The following TMEM87B variants were observed in gnomAD, a reference collection of about 807,000 sequenced individuals.
TMEM87B encodes transmembrane protein 87B.
Under a neutral mutation model 80.3 loss-of-function variants are expected in TMEM87B, and 83 were observed. The ratio of observed to expected loss-of-function variants is 1.03; its 90% CI spans 0.87 to 1.24. The LOEUF (loss-of-function observed/expected upper bound fraction) is 1.24, where lower values mean the gene tolerates loss of function less well. Among genes scored for constraint, TMEM87B ranks in the 50% most tolerant of loss-of-function variants. The pLI is 0.00. For missense variants in TMEM87B, 625 were observed against 674.4 expected (o/e 0.93, Z 0.81); for synonymous variants, 219 against 230.5 (o/e 0.95, Z 0.45).
chr2:112,094,161 CTTTTTTTTT>C (rs755031584), intron 11 of TMEM87B, among the ~76,000 whole-genome samples: 3 of 128,760 alleles, frequency 2.3e-5, no homozygotes, highest in African/African-American at 8.5e-5. Context: ...ATTTCTTGTT[CTTTTTTTTT>C]TTTTTTTTTT....
At chr2:112,092,671 G>C (rs897294969) in intron 11 of TMEM87B, among the ~76,000 whole-genome samples, 4 of 152,214 alleles carry the variant, frequency 2.6e-5, no homozygotes, top group African/African-American at 9.6e-5. Flanking sequence ...ATGGGTGGAA[G>C]AGAGCAGGTT....
intron 4 of TMEM87B, among the ~76,000 whole-genome samples, chr2:112,073,811 G>A (rs545671245): frequency 6.6e-6 from 1 of 152,280 alleles, no homozygotes; most frequent in Admixed American, 6.5e-5. Flanking sequence ...AGAGAGTTAA[G>A]TCTTCAGTTG....
At chr2:112,069,090 G>A (rs1052570030) in intron 4 of TMEM87B, among the ~76,000 whole-genome samples, 2 of 151,198 alleles carry the variant, frequency 1.3e-5, no homozygotes, top group African/African-American at 4.9e-5. Context: ...TACTCGGGAG[G>A]CTGAGGCAGG....
chr2:112,057,677 C>T (rs1403517699), intron 1 of TMEM87B, among the ~76,000 whole-genome samples: 1 of 152,186 alleles, frequency 6.6e-6, no homozygotes, highest in East Asian at 1.9e-4. Flanking sequence ...GAATTTTAGC[C>T]ACAGCCCCTT....
chr2:112,055,404 T>C lies in TMEM87B; in HGVS notation c.-188T>C. ...CCGGCTCAGAGCCCTAAGCCCTGCC[T>C]CCCGGTCCTGGCCGGGTTTCCCAGA... On this transcript the variant is annotated 5_prime_UTR_variant, in exon 1 of 19. Transcript: ENST00000283206. 1 of 627,888 alleles carries C rather than the reference T, an allele frequency of 1.6e-6. No homozygotes were observed. Among genetic ancestry groups the C allele is most frequent in the Non-Finnish European group, 2.5e-6 (1 of 393,836 alleles). The allele number at this position is 627,888 out of a possible 1,614,324, so 38.9% of individuals were successfully genotyped here.
At chr2:112,072,137 G>T (rs749547196) in intron 4 of TMEM87B, among the ~76,000 whole-genome samples, 1 of 152,184 alleles carries the variant, frequency 6.6e-6, no homozygotes, top group Non-Finnish European at 1.5e-5. Flanking sequence ...AAGCCTGCTT[G>T]ATCATGGTAG....
chr2:112,101,684 T>C (rs1197272580), intron 15 of TMEM87B, among the ~76,000 whole-genome samples: 1 of 152,144 alleles, frequency 6.6e-6, no homozygotes, highest in Non-Finnish European at 1.5e-5. Context: ...GGCAGACATA[T>C]GTGGTGTAAC....
Position 112,117,252 on chromosome 2 carries a change from C to T in TMEM87B, c.*1109C>T, listed in dbSNP as rs922333851. ...GTGAATGTTTTGCTGCTTTCATGAC[C>T]AAAGATACAGGGCTAGTGGACATTT... On this transcript the variant is annotated 3_prime_UTR_variant, in exon 19 of 19. Transcript: ENST00000283206. 1 of 151,964 alleles carries T rather than the reference C, an allele frequency of 6.6e-6. No individual in the cohort carries two copies. Among genetic ancestry groups the T allele is most frequent in the African/African-American group, 2.4e-5 (1 of 41,358 alleles). 9.4% of individuals were successfully genotyped at this position (151,964 alleles called of 1,614,324 possible). A position where few individuals can be genotyped will look rare whatever the true frequency, so the allele number is the denominator to read the frequency against.
chr2:112,059,928 C>CA (rs199967450), intron 1 of TMEM87B, 49 bp from the exon 2 acceptor site: 100 of 1,571,868 alleles, frequency 6.4e-5, no homozygotes, highest in East Asian at 1.4e-4. Flanking sequence ...AAAACAGTTG[C>CA]AAAAAAAACT....
At chr2:112,092,310 A>G (rs76241635) in intron 11 of TMEM87B, among the ~76,000 whole-genome samples, 2,369 of 152,264 alleles carry the variant, frequency 0.016, 29 homozygotes, top group Non-Finnish European at 0.023. Context: ...GCAGGAAAAC[A>G]GAGGGGGACA....
At chr2:112,098,037 G>T (rs994111847) in intron 13 of TMEM87B, among the ~76,000 whole-genome samples, 1 of 151,722 alleles carries the variant, frequency 6.6e-6, no homozygotes, top group Non-Finnish European at 1.5e-5. Flanking sequence ...GCGCAGTGGT[G>T]CGATCTCAGC....
chr2:112,100,029 T>G (rs1679588012), intron 14 of TMEM87B, among the ~76,000 whole-genome samples: 1 of 152,200 alleles, frequency 6.6e-6, no homozygotes, highest in Non-Finnish European at 1.5e-5. Flanking sequence ...TTATTAGACA[T>G]TTTGTTTAAA....
intron 9 of TMEM87B, 24 bp from the exon 10 acceptor site, chr2:112,089,600 CT>C: frequency 6.2e-7 from 1 of 1,610,540 alleles, no homozygotes; most frequent in East Asian, 2.2e-5. Flanking sequence ...TTTCTTCTTT[CT>C]CTGTTTCCTC....
chr2:112,099,289 A>G (rs1197894956), intron 14 of TMEM87B, among the ~76,000 whole-genome samples: 2 of 152,134 alleles, frequency 1.3e-5, no homozygotes, highest in Non-Finnish European at 2.9e-5. Flanking sequence ...CCAGAATGCT[A>G]CAAAATCCAA....
In TMEM87B at chr2:112,097,044, A is replaced by G. The variant is rs1480958440; in HGVS notation, c.1105A>G (p.Ile369Val). 2.5e-6 allele frequency: 4 copies of G among 1,573,626 alleles called. No homozygotes were observed. The highest frequency in any genetic ancestry group is 4.5e-5 in the East Asian group (2 of 44,356). Reference sequence around the variant, plus strand: ...AATGTTTTTCCTTAACTTTTTTCACATTTTTATTAGTTTGGCACAAACTAT... The same window carrying G: ...AATGTTTTTCCTTAACTTTTTTCACGTTTTTATTAGTTTGGCACAAACTAT... ...AVIDSIFVWF[I>V]FISLAQTMKT... Residue 369 changes from isoleucine (I) to valine (V), a missense_variant and splice_region_variant, in exon 12 of 19, where the codon ATT becomes GTT. Physicochemically the swap from Ile to Val is conservative, Grantham distance 29 (BLOSUM62 3). Coordinates refer to ENST00000283206, the MANE Select transcript of TMEM87B (RefSeq NM_032824.3).
intron 11 of TMEM87B, among the ~76,000 whole-genome samples, chr2:112,092,585 G>A (rs1338214519): frequency 6.6e-6 from 1 of 152,204 alleles, no homozygotes; most frequent in Non-Finnish European, 1.5e-5. Flanking sequence ...TGCAGTGGTC[G>A]AAAGAAGAGA....
intron 8 of TMEM87B, among the ~76,000 whole-genome samples, chr2:112,084,890 C>G (rs186173269): frequency 1.3e-5 from 2 of 152,312 alleles, no homozygotes; most frequent in East Asian, 3.9e-4. Flanking sequence ...TTCCAGCAGT[C>G]AGCACATTTT....
chr2:112,116,018 A>G (rs1680013449), intron 18 of TMEM87B, 66 bp from the exon 19 acceptor site: 1 of 1,339,542 alleles, frequency 7.5e-7, no homozygotes, highest in Non-Finnish European at 1.0e-6. Flanking sequence ...AAGATTAGAA[A>G]ATTTTTGTTA....
At position 112,064,484 on chromosome 2, in the gene TMEM87B, G is replaced by A. The variant is rs142584664; in HGVS notation, c.318+231G>A. The stretch of plus-strand genomic sequence containing the variant: ...TTAGTAAATGTTTAAATTCAGGCAC[G>A]TAGGAGTCATTGATAAAGACGCATA... On this transcript the variant is annotated intron_variant, in intron 3 of 18. Transcript: ENST00000283206. 5.9e-5 allele frequency among the ~76,000 whole-genome samples: 9 copies of A among 152,316 alleles called. No individual in the cohort carries two copies. The East Asian group carries it at 9.6e-4, about 16-fold the overall frequency.
Sources: allele counts gnomAD v4.1 joint callset (sites outside exome capture counted in the v4.1 genomes callset), GRCh38; gene constraint gnomAD v4.1.1; transcripts MANE v1.5; gene names NCBI Gene and HGNC (gene_info 2026-07-23, HGNC 2026-07-21).